DIP2C: variants seen among roughly 807,000 people sequenced by gnomAD.
The protein encoded by DIP2C is disco-interacting protein 2 homolog C.
Under a neutral mutation model 192.4 loss-of-function variants are expected in DIP2C, and 33 were observed. The ratio of observed to expected loss-of-function variants is 0.17; its 90% CI spans 0.13 to 0.23. DIP2C has a LOEUF of 0.23. Among genes scored for constraint, DIP2C ranks in the 10% least tolerant of loss-of-function variants. DIP2C has a pLI of 1.00. For synonymous variants in DIP2C, 979 were observed against 864.1 expected (o/e 1.13, Z -2.33); for missense variants, 1,537 against 2,110.1 (o/e 0.73, Z 5.32).
intron 1 of DIP2C, among the ~76,000 whole-genome samples, chr10:677,259 A>G (rs529040198): frequency 4.7e-4 from 71 of 152,320 alleles, no homozygotes; most frequent in African/African-American, 1.7e-3. Context: ...TCCTGCCCAC[A>G]GCACTGCCAC....
At chr10:334,969 CA>C (rs1564571279) in intron 29 of DIP2C, among the ~76,000 whole-genome samples, 1 of 152,104 alleles carries the variant, frequency 6.6e-6, no homozygotes, top group African/African-American at 2.4e-5. Context: ...AAAAAACCCC[CA>C]AAAAATAGCC....
intron 29 of DIP2C, among the ~76,000 whole-genome samples, chr10:336,227 T>A (rs4511219): frequency 0.4 from 60,959 of 152,022 alleles, 14,126 homozygotes; most frequent in Non-Finnish European, 0.54. Flanking sequence ...AAAATCAGCA[T>A]CCCTGAGGTC....
chr10:568,784 A>AAACAAACAAAC (rs1554739009), intron 1 of DIP2C, among the ~76,000 whole-genome samples: 34 of 145,630 alleles, frequency 2.3e-4, no homozygotes, highest in Admixed American at 9.6e-4. Flanking sequence ...AAAAAAAAAA[A>AAACAAACAAAC]AAAAAAAAAA....
intron 10 of DIP2C, among the ~76,000 whole-genome samples, chr10:398,114 CTT>C (rs1212714585): frequency 6.6e-6 from 1 of 152,232 alleles, no homozygotes; most frequent in Non-Finnish European, 1.5e-5. Flanking sequence ...AAAGCTCTCT[CTT>C]GTGGGGAAAA....
Position 347,272 on chromosome 10 carries a change from T to TCGTG in DIP2C, c.3231+1368_3231+1369insCACG, listed in dbSNP as rs1564593327. ...CCCACACGCACCCAACCCAGACACA[T>TCGTG]CACGCATAGTTCTCCCGGGAACCCC... On this transcript the variant is annotated intron_variant, in intron 26 of 36. Coordinates refer to ENST00000280886, the MANE Select transcript of DIP2C (RefSeq NM_014974.3). Among the ~76,000 whole-genome samples, 604 of 102,208 alleles carry TCGTG rather than the reference T, an allele frequency of 5.9e-3. 284 individuals carry two copies. Among genetic ancestry groups the TCGTG allele is most frequent in the Non-Finnish European group, 8.9e-3 (477 of 53,886 alleles). The allele number at this position is 102,208 out of a possible 152,430, so 67.1% of individuals were successfully genotyped here.
rs149056909 is a variant in DIP2C, at chr10:411,431, T to A, written c.1058-2414A>T. Among the ~76,000 whole-genome samples the A allele has an allele frequency of 1.4e-4, 22 of 152,358 alleles. 1 individual carries two copies. In the East Asian group the frequency reaches 4.2e-3, roughly 29 times the overall value. ...AATGATGTTTTACAAGTTTATTCAG[T>A]TGTGGCTTTCATTAGCCACCTACAC... On this transcript the variant is annotated intron_variant, in intron 8 of 36. Coordinates refer to ENST00000280886, the MANE Select transcript of DIP2C (RefSeq NM_014974.3).
At chr10:557,503 GTC>G (rs942179369) in intron 1 of DIP2C, among the ~76,000 whole-genome samples, 1 of 151,244 alleles carries the variant, frequency 6.6e-6, no homozygotes, top group African/African-American at 2.4e-5. Flanking sequence ...CACCTGGGCT[GTC>G]TCATCTGTTC....
chr10:534,966 G>A (rs866032037), intron 1 of DIP2C, among the ~76,000 whole-genome samples: 2 of 152,092 alleles, frequency 1.3e-5, no homozygotes, highest in Non-Finnish European at 2.9e-5. Context: ...GTGAGCCACC[G>A]CGCCCGGCCT....
chr10:520,869 T>C (rs1228779946), intron 1 of DIP2C, among the ~76,000 whole-genome samples: 2 of 152,228 alleles, frequency 1.3e-5, no homozygotes, highest in Admixed American at 6.5e-5. Flanking sequence ...GATATGTGTT[T>C]TTATATATGT....
chr10:509,756 A>G (rs750770145), intron 1 of DIP2C, among the ~76,000 whole-genome samples: 11 of 152,132 alleles, frequency 7.2e-5, no homozygotes, highest in Non-Finnish European at 1.6e-4. Context: ...CATCCTGGAG[A>G]GCAGCTTGGA....
chr10:279,756 G>A (rs915339013), intron 36 of DIP2C, among the ~76,000 whole-genome samples: 2 of 152,228 alleles, frequency 1.3e-5, no homozygotes, highest in Non-Finnish European at 2.9e-5. Flanking sequence ...CAAGGGGCAT[G>A]TGAGCCCCTG....
chr10:687,309 C>A (rs146216671), intron 1 of DIP2C, among the ~76,000 whole-genome samples: 64 of 152,310 alleles, frequency 4.2e-4, no homozygotes, highest in African/African-American at 1.4e-3. Flanking sequence ...ACAGAGAATT[C>A]CAAATGACCT....
intron 1 of DIP2C, among the ~76,000 whole-genome samples, chr10:586,930 G>C: frequency 6.6e-6 from 1 of 151,992 alleles, no homozygotes; most frequent in Non-Finnish European, 1.5e-5. Context: ...CCCACTGACA[G>C]CATGGGGAGG....
chr10:656,536 A>G (rs964232800), intron 1 of DIP2C, among the ~76,000 whole-genome samples: 1 of 152,246 alleles, frequency 6.6e-6, no homozygotes, highest in Non-Finnish European at 1.5e-5. Flanking sequence ...TGCACATTTC[A>G]TGATAATCAA....
intron 1 of DIP2C, among the ~76,000 whole-genome samples, chr10:669,959 G>A (rs984733499): frequency 1.3e-5 from 2 of 152,002 alleles, no homozygotes; most frequent in African/African-American, 2.4e-5. Context: ...TCCTGATATC[G>A]AATGTTCATC....
chr10:354,033 G>A (rs957939926), intron 24 of DIP2C, among the ~76,000 whole-genome samples: 7 of 152,200 alleles, frequency 4.6e-5, no homozygotes, highest in African/African-American at 1.2e-4. Context: ...TGCATACGAG[G>A]CAGCAGAGGA....
intron 2 of DIP2C, among the ~76,000 whole-genome samples, chr10:483,784 G>T (rs889762502): frequency 1.3e-5 from 2 of 152,120 alleles, no homozygotes; most frequent in Admixed American, 1.3e-4. Context: ...GTGGCCAACT[G>T]TAATAATAAA....
Position 558,281 on chromosome 10 carries a change from G to T in DIP2C, c.86-71751C>A, listed in dbSNP as rs1408887067. 3.3e-5 allele frequency among the ~76,000 whole-genome samples: 5 copies of T among 152,122 alleles called. 1 individual carries two copies. Among genetic ancestry groups the T allele is most frequent in the African/African-American group, 1.2e-4 (5 of 41,418 alleles). On this transcript the variant is annotated intron_variant, in intron 1 of 36. Transcript: ENST00000280886. ...CAGGTTCTGAGAGAACCTTCCTGAG[G>T]CCACACAGCTGTCTCCAAACCCACC...
At chr10:600,479 A>G (rs1206862758) in intron 1 of DIP2C, among the ~76,000 whole-genome samples, 1 of 150,518 alleles carries the variant, frequency 6.6e-6, no homozygotes, top group Non-Finnish European at 1.5e-5. Context: ...TTTCCACCTT[A>G]AAGACGACGG....
Sources: gnomAD v4.1 joint callset for allele counts (sites outside exome capture counted in the v4.1 genomes callset) on GRCh38, gnomAD v4.1.1 for gene constraint, MANE v1.5 for transcripts, NCBI Gene and HGNC (gene_info 2026-07-23, HGNC 2026-07-21) for gene names.